ATP8B4: variants seen among roughly 807,000 people sequenced by gnomAD.
ATP8B4 encodes ATPase phospholipid transporting 8B4 (putative).
In ATP8B4, 133 loss-of-function variants were observed where a neutral mutation model predicts 145.6. The observed-to-expected ratio is 0.91, with a 90% CI of 0.79 to 1.05. The LOEUF is 1.05. Among genes scored for constraint, ATP8B4 ranks in the 50% least tolerant of loss-of-function variants. ATP8B4 has a pLI of 0.00. For synonymous variants in ATP8B4, 507 were observed against 492.9 expected (o/e 1.03, Z -0.38); for missense variants, 1,458 against 1,425.2 (o/e 1.02, Z -0.37).
intron 26 of ATP8B4, among the ~76,000 whole-genome samples, chr15:49,865,889 AT>A (rs1414747270): frequency 1.3e-5 from 2 of 152,214 alleles, no homozygotes; most frequent in East Asian, 1.9e-4. Flanking sequence ...ATGTCCAGGA[AT>A]TTTTAGAAGG....
At chr15:49,915,422 C>T (rs1393199110) in intron 20 of ATP8B4, among the ~76,000 whole-genome samples, 1 of 151,942 alleles carries the variant, frequency 6.6e-6, no homozygotes, top group African/African-American at 2.4e-5. Context: ...TAGTTAGCAA[C>T]CATGTATTGT....
intron 7 of ATP8B4, among the ~76,000 whole-genome samples, chr15:50,004,702 A>G (rs28519657): frequency 0.1 from 15,827 of 152,230 alleles, 1,680 homozygotes; most frequent in African/African-American, 0.27. Context: ...ACAGATGAGC[A>G]AAGTAAGGCC....
intron 13 of ATP8B4, 94 bp downstream of exon 13, chr15:49,972,487 CG>C: frequency 8.3e-7 from 1 of 1,200,060 alleles, no homozygotes; most frequent in Non-Finnish European, 1.2e-6. Context: ...AGAAAGCCAG[CG>C]ACTGTTTTGG....
At chr15:50,047,862 A>G (rs2051843659) in intron 3 of ATP8B4, among the ~76,000 whole-genome samples, 1 of 152,028 alleles carries the variant, frequency 6.6e-6, no homozygotes, top group Non-Finnish European at 1.5e-5. Context: ...CCTTTTAGAT[A>G]CCTCCGACAA....
chr15:50,005,204 A>G (rs1567182899), intron 7 of ATP8B4, among the ~76,000 whole-genome samples: 1 of 152,162 alleles, frequency 6.6e-6, no homozygotes, highest in Non-Finnish European at 1.5e-5. Flanking sequence ...GTGTTTTCCA[A>G]CACAACGCCC....
chr15:49,988,484 T>A (rs1411505038), intron 9 of ATP8B4, among the ~76,000 whole-genome samples: 1 of 151,796 alleles, frequency 6.6e-6, no homozygotes. Flanking sequence ...AGGGGAGATA[T>A]GAAAAAGGAA....
At chr15:50,114,099 G>C (rs371753537) in intron 1 of ATP8B4, among the ~76,000 whole-genome samples, 7,590 of 30,852 alleles carry the variant, frequency 0.25, 379 homozygotes, top group Non-Finnish European at 0.34. Flanking sequence ...TGGTCTCCTA[G>C]TTTCTTTTTT....
At chr15:49,985,163 C>T (rs184285936) in intron 10 of ATP8B4, among the ~76,000 whole-genome samples, 11 of 151,182 alleles carry the variant, frequency 7.3e-5, no homozygotes, top group African/African-American at 1.9e-4. Flanking sequence ...GTGGTGCAAT[C>T]GCAGCTCACT....
intron 20 of ATP8B4, among the ~76,000 whole-genome samples, chr15:49,907,087 A>T (rs552450293): frequency 6.6e-6 from 1 of 152,318 alleles, no homozygotes; most frequent in African/African-American, 2.4e-5. Context: ...GCCAAGAGGG[A>T]AAGCCAACAA....
intron 12 of ATP8B4, among the ~76,000 whole-genome samples, chr15:49,977,303 T>G (rs1391013201): frequency 1.3e-5 from 2 of 152,188 alleles, no homozygotes. Context: ...CTGAAATTCC[T>G]TGGAATGCTT....
intron 2 of ATP8B4, among the ~76,000 whole-genome samples, chr15:50,081,146 A>G (rs1600244318): frequency 6.6e-6 from 1 of 151,430 alleles, no homozygotes; most frequent in African/African-American, 2.4e-5. Flanking sequence ...CTCATAAAAG[A>G]AAAAGACGCT....
chr15:50,146,377 C>A (rs1278159179), intron 1 of ATP8B4, among the ~76,000 whole-genome samples: 1 of 152,142 alleles, frequency 6.6e-6, no homozygotes, highest in African/African-American at 2.4e-5. Context: ...GAAACAGAAA[C>A]AAATCAACCT....
At chr15:49,957,475 T>A (rs540530923) in intron 14 of ATP8B4, among the ~76,000 whole-genome samples, 1 of 152,048 alleles carries the variant, frequency 6.6e-6, no homozygotes, top group African/African-American at 2.4e-5. Flanking sequence ...TATAGCCCCA[T>A]GTAAATGGGC....
At chr15:50,089,873 A>G (rs1383649962) in intron 2 of ATP8B4, among the ~76,000 whole-genome samples, 1 of 152,158 alleles carries the variant, frequency 6.6e-6, no homozygotes, top group Non-Finnish European at 1.5e-5. Flanking sequence ...TATATACCCG[A>G]AGGAATATAA....
chr15:50,047,425 A>T lies in ATP8B4; in HGVS notation c.127T>A (p.Phe43Ile), dbSNP rs1344654248. The change falls in exon 4 of 28, where the codon TTC becomes ATC. Residue 43 changes from phenylalanine (F) to isoleucine (I), a missense_variant. Coordinates refer to ENST00000284509, the MANE Select transcript of ATP8B4 (RefSeq NM_024837.4). Reference sequence around the variant, plus strand: ...TGTTCAAATAAATTAATTGGCAAGAAGGTGAGAATATTATATTTCGATGTG... The same window carrying T: ...TGTTCAAATAAATTAATTGGCAAGATGGTGAGAATATTATATTTCGATGTG... The part of the protein sequence containing the change: ...IHTSKYNILT[F>I]LPINLFEQFQ... 6.3e-7 allele frequency: 1 copy of T among 1,597,354 alleles called. No homozygotes were observed. Among genetic ancestry groups the T allele is most frequent in the Admixed American group, 1.7e-5 (1 of 59,962 alleles).
chr15:50,035,862 C>T (rs1258500838), intron 6 of ATP8B4, among the ~76,000 whole-genome samples: 1 of 152,118 alleles, frequency 6.6e-6, no homozygotes, highest in Admixed American at 6.5e-5. Context: ...GGCTCCTGCC[C>T]TAGTTTGAAG....
chr15:50,165,876 C>T (rs897886253), intron 1 of ATP8B4, among the ~76,000 whole-genome samples: 1 of 151,432 alleles, frequency 6.6e-6, no homozygotes, highest in African/African-American at 2.4e-5. Flanking sequence ...GATAACAGAA[C>T]AGATAAAAAA....
At chr15:49,994,278 C>T (rs2047249241) in intron 9 of ATP8B4, among the ~76,000 whole-genome samples, 1 of 152,158 alleles carries the variant, frequency 6.6e-6, no homozygotes, top group African/African-American at 2.4e-5. Flanking sequence ...TCCTACAAGG[C>T]CACTTCAGGA....
intron 1 of ATP8B4, among the ~76,000 whole-genome samples, chr15:50,172,559 C>T (rs954850882): frequency 2.3e-4 from 35 of 152,174 alleles, no homozygotes; most frequent in Non-Finnish European, 2.1e-4. Flanking sequence ...TCTGCCCGGC[C>T]GCCACCCCAT....
Sources: allele counts gnomAD v4.1 joint callset (sites outside exome capture counted in the v4.1 genomes callset), GRCh38; gene constraint gnomAD v4.1.1; transcripts MANE v1.5; gene names NCBI Gene and HGNC (gene_info 2026-07-23, HGNC 2026-07-21).